Variants in NUMA1 observed in about 807,000 individuals in gnomAD.
The protein encoded by NUMA1 is SP-H antigen.
Under a neutral mutation model 237.1 loss-of-function variants are expected in NUMA1, and 62 were observed. The observed-to-expected ratio is 0.26, with a 90% confidence interval of 0.21 to 0.32. The LOEUF (loss-of-function observed/expected upper bound fraction) is 0.32, where lower values mean the gene tolerates loss of function less well. Ranked by LOEUF, NUMA1 falls within the 10% of genes least tolerant of loss-of-function variation. The pLI is 1.00. For synonymous variants in NUMA1, 1,028 were observed against 1,066.1 expected (o/e 0.96, Z 0.70); for missense variants, 2,533 against 2,666.5 (o/e 0.95, Z 1.10).
At chr11:72,019,468 C>G (rs373693307) in intron 9 of NUMA1, 26 bp downstream of exon 9, 18 of 1,609,252 alleles carry the variant, frequency 1.1e-5, no homozygotes, top group Non-Finnish European at 1.5e-5. Context: ...GAGGCCCTAT[C>G]CCAGGAGGAG....
Position 72,013,071 on chromosome 11 carries a change from G to T in NUMA1, c.4432C>A (p.Gln1478Lys), listed in dbSNP as rs1476689233. Residue 1478 changes from glutamine (Q) to lysine (K), a missense_variant, in exon 15 of 27, where the codon CAA becomes AAA. By Grantham distance (53) the Gln-to-Lys change is moderately conservative. Coordinates refer to ENST00000393695, the MANE Select transcript of NUMA1 (RefSeq NM_006185.4). This position sits in a 1 kb window ranked among gnomAD's most constrained non-coding sequence, Gnocchi z 6.8. ...TCAGCACGTACGGCTGCCAACTCTT[G>T]GACATACTTCTCCCGGGCCTGGTCC... ...ELDQAREKYV[Q>K]ELAAVRADAE... 6.2e-7 allele frequency: 1 copy of T among 1,614,192 alleles called. No homozygotes were observed. The highest frequency in any genetic ancestry group is 2.2e-5 in the East Asian group (1 of 44,882).
chr11:72,060,751 T>G (rs1268667143), intron 2 of NUMA1, among the ~76,000 whole-genome samples: 1 of 151,942 alleles, frequency 6.6e-6, no homozygotes, highest in African/African-American at 2.4e-5. Flanking sequence ...TAGGAAGGCT[T>G]AGCGAGACCC....
chr11:72,007,619 C>T (rs1955831665), intron 20 of NUMA1, 184 bp from the exon 21 acceptor site: 1 of 703,388 alleles, frequency 1.4e-6, no homozygotes, highest in Non-Finnish European at 2.4e-6. Context: ...AGTCCACTCC[C>T]CTGGCTTCTC....
At chr11:72,049,519 G>A (rs1291824714) in intron 2 of NUMA1, 1 of 93,150 alleles carries the variant, frequency 1.1e-5, no homozygotes, top group African/African-American at 3.9e-5. Context: ...GACCAGCGTG[G>A]GCAACATAGT....
chr11:72,015,866 G>A lies in NUMA1; in HGVS notation c.1637C>T (p.Ser546Phe). Residue 546 changes from serine to phenylalanine, a missense_variant, in exon 15 of 27, where the codon TCC becomes TTC. Coordinates refer to ENST00000393695, the MANE Select transcript of NUMA1 (RefSeq NM_006185.4). The surrounding 1 kb of genome is among the most constrained non-coding windows in gnomAD (Gnocchi z 4.0). ...AQTLQQQEQA[S>F]QGLRHQVEQL... ...CTCCACCTGGTGGCGGAGGCCCTGGGAGGCCTGTTCTTGCTGTTGGAGGGT... is the reference window on the plus strand; with the variant it reads ...CTCCACCTGGTGGCGGAGGCCCTGGAAGGCCTGTTCTTGCTGTTGGAGGGT... 6.2e-7 allele frequency: 1 copy of A among 1,614,152 alleles called. No homozygotes were observed. The highest frequency in any genetic ancestry group is 8.5e-7 in the Non-Finnish European group (1 of 1,180,020).
intron 1 of NUMA1, among the ~76,000 whole-genome samples, chr11:72,078,721 C>T (rs551693617): frequency 6.6e-6 from 1 of 152,348 alleles, no homozygotes; most frequent in Non-Finnish European, 1.5e-5. Flanking sequence ...ACTTTGGAAG[C>T]TTTCACAAAA....
intron 4 of NUMA1, 172 bp from the exon 5 acceptor site, chr11:72,024,525 A>G: frequency 1.6e-6 from 1 of 620,566 alleles, no homozygotes; most frequent in Non-Finnish European, 2.9e-6. Flanking sequence ...ATTTATCCAG[A>G]TGGAACTGTG....
intron 1 of NUMA1, chr11:72,072,124 G>A (rs1943478972): frequency 6.6e-6 from 1 of 152,512 alleles, no homozygotes; most frequent in South Asian, 2.1e-4. Context: ...ATCTAGAAAA[G>A]CAGGCAATTA....
At chr11:72,043,000 C>T (rs912392735) in intron 2 of NUMA1, among the ~76,000 whole-genome samples, 1 of 152,006 alleles carries the variant, frequency 6.6e-6, no homozygotes, top group African/African-American at 2.4e-5. Context: ...CCCGCACCTA[C>T]AGTTCCAGCT....
chr11:72,071,643 G>C (rs985937904), intron 1 of NUMA1, among the ~76,000 whole-genome samples: 1 of 152,204 alleles, frequency 6.6e-6, no homozygotes, highest in Admixed American at 6.5e-5. Context: ...TAAGTTTCCT[G>C]AGTGTTAATA....
chr11:72,019,147 T>A, intron 9 of NUMA1, 167 bp from the exon 10 acceptor site: 1 of 709,758 alleles, frequency 1.4e-6, no homozygotes, highest in Non-Finnish European at 2.3e-6. Flanking sequence ...GACATGATCT[T>A]GGGAAAACTT....
chr11:72,040,959 C>G (rs1236054160), intron 2 of NUMA1: 1 of 151,934 alleles, frequency 6.6e-6, no homozygotes, highest in Non-Finnish European at 1.5e-5. Context: ...GGGGCCTTAC[C>G]AGACTCCTAA....
rs1481026421 is a variant in NUMA1 at position 72,004,663 on chromosome 11, G to A, written c.5983C>T (p.His1995Tyr). Residue 1995 changes from histidine (H) to tyrosine (Y), a missense_variant, in exon 24 of 27, where the codon CAC becomes TAC. Coordinates refer to ENST00000393695, the MANE Select transcript of NUMA1 (RefSeq NM_006185.4). ...ACCTCAGGAGTTCCAGGGCCCTGGT[G>A]GGGCTCTAGGGAGACCCGTTTGCGC... ...QQRKRVSLEP[H>Y]QGPGTPESKK... is the part of the protein sequence containing the mutation. The A allele has an allele frequency of 1.2e-6, 2 of 1,613,028 alleles. No individual in the cohort carries two copies. The highest frequency in any genetic ancestry group is 3.3e-5 in the Admixed American group (2 of 59,986).
intron 13 of NUMA1, chr11:72,016,759 T>C: frequency 1.9e-6 from 1 of 530,754 alleles, no homozygotes; most frequent in Non-Finnish European, 3.3e-6. Flanking sequence ...TGCTTACTAC[T>C]TCCCCAAGGC....
rs1370998534 is a variant in NUMA1 at position 72,015,310 on chromosome 11, C to T, written c.2193G>A (p.Glu731=). The T allele has an allele frequency of 9.9e-6, 16 of 1,613,482 alleles. No homozygotes were observed. Among genetic ancestry groups the T allele is most frequent in the Admixed American group, 1.7e-5 (1 of 60,010 alleles). Residue 731 remains glutamate, a synonymous_variant, in exon 15 of 27, where the codon GAG becomes GAA. Coordinates refer to ENST00000393695, the MANE Select transcript of NUMA1 (RefSeq NM_006185.4). The surrounding 1 kb of genome is among the most constrained non-coding windows in gnomAD (Gnocchi z 4.0). ...TCAGCTCAGAGATACAACGCTGCTGCTCTTCCAGGGCATCTGCAGCCCTGC... is the reference window on the plus strand; with the variant it reads ...TCAGCTCAGAGATACAACGCTGCTGTTCTTCCAGGGCATCTGCAGCCCTGC... ...EKRRAADALE[E]QQRCISELKA...
At chr11:72,029,090 A>G (rs186409890) in intron 4 of NUMA1, 115 bp downstream of exon 4, 3 of 717,040 alleles carry the variant, frequency 4.2e-6, no homozygotes, top group South Asian at 1.9e-5. Flanking sequence ...TGATGTCCCA[A>G]TCCTTCCCCT....
intron 8 of NUMA1, 143 bp from the exon 9 acceptor site, chr11:72,019,760 G>T: frequency 1.1e-6 from 1 of 880,072 alleles, no homozygotes; most frequent in Non-Finnish European, 1.6e-6. Flanking sequence ...GAAGGCACTG[G>T]GCAGAACCTG....
chr11:72,042,672 A>G (rs1941756496), intron 2 of NUMA1, among the ~76,000 whole-genome samples: 1 of 152,218 alleles, frequency 6.6e-6, no homozygotes, highest in South Asian at 2.1e-4. Flanking sequence ...AAAGACTTGT[A>G]AGTTTGTTTG....
At chr11:72,073,619 TGAG>T (rs1362255484) in intron 1 of NUMA1, among the ~76,000 whole-genome samples, 1 of 152,112 alleles carries the variant, frequency 6.6e-6, no homozygotes, top group Non-Finnish European at 1.5e-5. Context: ...TTCACATAGA[TGAG>T]GAGAAAGACT....
Sources: allele counts gnomAD v4.1 joint callset (sites outside exome capture counted in the v4.1 genomes callset), GRCh38; gene constraint gnomAD v4.1.1; non-coding constraint Gnocchi (gnomAD v3.1); transcripts MANE v1.5; gene names NCBI Gene and HGNC (gene_info 2026-07-23, HGNC 2026-07-21).